DIAPH2: variants seen among roughly 807,000 people sequenced by gnomAD.
DIAPH2 encodes protein diaphanous homolog 2.
In DIAPH2, 35 loss-of-function variants were observed where a neutral mutation model predicts 92.7. The ratio of observed to expected loss-of-function variants is 0.38; its 90% CI spans 0.29 to 0.50. The LOEUF (loss-of-function observed/expected upper bound fraction) is 0.50, where lower values mean the gene tolerates loss of function less well. Ranked by LOEUF, DIAPH2 falls within the 20% of genes least tolerant of loss-of-function variation. The probability of loss-of-function intolerance (pLI) is 0.94; values close to 1 mark genes in which losing one functional copy is unlikely to be tolerated. For missense variants in DIAPH2, 701 were observed against 819.5 expected (o/e 0.86, Z 1.77); for synonymous variants, 301 against 280.4 (o/e 1.07, Z -0.73).
At chrX:97,497,711 CAGG>C (rs984347066) in intron 26 of DIAPH2, among the ~76,000 whole-genome samples, 1 of 110,254 alleles carries the variant, frequency 9.1e-6, no homozygotes, top group Non-Finnish European at 1.9e-5. Flanking sequence ...GAGGCTGCAG[CAGG>C]AGAATTGCTT....
intron 23 of DIAPH2, among the ~76,000 whole-genome samples, chrX:97,330,085 T>TTTTGTG (rs1556027878): frequency 1.1e-5 from 1 of 94,863 alleles, no homozygotes. Flanking sequence ...GATTTGGTGT[T>TTTTGTG]TGTGTGTGTG....
At chrX:96,840,013 G>A (rs2147700518) in intron 4 of DIAPH2, among the ~76,000 whole-genome samples, 1 of 111,992 alleles carries the variant, frequency 8.9e-6, no homozygotes, top group East Asian at 2.8e-4. Context: ...AGAAACAGGT[G>A]AAATTCATTT....
At chrX:97,490,144 A>G (rs1207543090) in intron 26 of DIAPH2, among the ~76,000 whole-genome samples, 1 of 111,164 alleles carries the variant, frequency 9.0e-6, no homozygotes, top group Non-Finnish European at 1.9e-5. Context: ...TACCCTTGGT[A>G]GGTTGTATAT....
chrX:96,953,482 A>G (rs1007612918), intron 15 of DIAPH2: 1 of 112,223 alleles, frequency 8.9e-6, no homozygotes, highest in African/African-American at 3.2e-5. Context: ...AAAACCTCCA[A>G]ATCAAAAGCC....
chrX:97,371,155 A>C (rs1602543041), intron 24 of DIAPH2, among the ~76,000 whole-genome samples: 1 of 111,537 alleles, frequency 9.0e-6, no homozygotes, highest in South Asian at 3.8e-4. Flanking sequence ...AGTAGAGAAC[A>C]CCCAGAAGAA....
chrX:97,181,559 G>A (rs1321327026), intron 22 of DIAPH2, among the ~76,000 whole-genome samples: 1 of 111,698 alleles, frequency 9.0e-6, no homozygotes, highest in Admixed American at 9.5e-5. Context: ...TTACAGGCAT[G>A]CGCCACCACC....
intron 17 of DIAPH2, among the ~76,000 whole-genome samples, chrX:97,021,822 A>C (rs2066300441): frequency 9.0e-6 from 1 of 111,666 alleles, no homozygotes; most frequent in South Asian, 3.8e-4. Context: ...GTTCCCATTC[A>C]GGAAACAGTG....
At chrX:96,754,774 A>C (rs2064214331) in intron 3 of DIAPH2, among the ~76,000 whole-genome samples, 1 of 108,298 alleles carries the variant, frequency 9.2e-6, no homozygotes, top group Non-Finnish European at 1.9e-5. Flanking sequence ...ATACAAAAAA[A>C]TTAGCTGGGT....
intron 26 of DIAPH2, among the ~76,000 whole-genome samples, chrX:97,571,867 C>T (rs2071372380): frequency 9.0e-6 from 1 of 111,727 alleles, no homozygotes; most frequent in Non-Finnish European, 1.9e-5. Flanking sequence ...TAGAAAGTTT[C>T]CCCTTGGACT....
intron 26 of DIAPH2, among the ~76,000 whole-genome samples, chrX:97,514,889 TG>T (rs1487281691): frequency 9.0e-6 from 1 of 111,688 alleles, no homozygotes; most frequent in African/African-American, 3.2e-5. Context: ...AGCTGCATGT[TG>T]GGAGAACCAC....
chrX:97,467,496 C>T (rs2070523724), intron 26 of DIAPH2, among the ~76,000 whole-genome samples: 1 of 111,817 alleles, frequency 8.9e-6, no homozygotes, highest in South Asian at 3.7e-4. Flanking sequence ...TTGTACAGGA[C>T]ATATTCTTTG....
intron 4 of DIAPH2, among the ~76,000 whole-genome samples, chrX:96,785,484 T>G (rs2064448443): frequency 1.1e-5 from 1 of 94,694 alleles, no homozygotes; most frequent in African/African-American, 3.8e-5. Context: ...CCTTTTTTTT[T>G]TTTTTTTTTT....
chrX:97,111,877 C>G (rs1273064144), intron 20 of DIAPH2, among the ~76,000 whole-genome samples: 1 of 112,150 alleles, frequency 8.9e-6, no homozygotes. Context: ...TCACTTTTCT[C>G]ATCTTTGGAA....
chrX:97,311,160 T>C (rs2068790708), intron 23 of DIAPH2, among the ~76,000 whole-genome samples: 1 of 111,730 alleles, frequency 9.0e-6, no homozygotes, highest in African/African-American at 3.2e-5. Context: ...CCCTGAATAA[T>C]GTGTTAAGAA....
At chrX:97,428,397 C>T (rs764986544) in intron 25 of DIAPH2, among the ~76,000 whole-genome samples, 2 of 109,897 alleles carry the variant, frequency 1.8e-5, no homozygotes, top group Non-Finnish European at 3.8e-5. Context: ...GGCGTGGTGG[C>T]GCACGCCTGT....
intron 4 of DIAPH2, among the ~76,000 whole-genome samples, chrX:96,870,060 A>T (rs1338674566): frequency 9.1e-6 from 1 of 110,424 alleles, no homozygotes; most frequent in Non-Finnish European, 1.9e-5. Flanking sequence ...TCAGAGGGCG[A>T]CTCTATAGCC....
chrX:97,114,077 A>C, intron 20 of DIAPH2, among the ~76,000 whole-genome samples: 1 of 112,354 alleles, frequency 8.9e-6, no homozygotes, highest in Non-Finnish European at 1.9e-5. Flanking sequence ...AAACCAATGT[A>C]GAATTCTTGC....
intron 23 of DIAPH2, among the ~76,000 whole-genome samples, chrX:97,306,528 A>G (rs2068748410): frequency 8.9e-6 from 1 of 111,895 alleles, no homozygotes. Context: ...GATATTTACA[A>G]ATTCTGAGCC....
chrX:97,507,832 G>T (rs1487764661), intron 26 of DIAPH2, among the ~76,000 whole-genome samples: 1 of 111,490 alleles, frequency 9.0e-6, no homozygotes. Context: ...CCCTTTGAAA[G>T]TGATGATAGA....
Sources: gnomAD v4.1 joint callset for allele counts (sites outside exome capture counted in the v4.1 genomes callset) on GRCh38, gnomAD v4.1.1 for gene constraint, MANE v1.5 for transcripts, NCBI Gene and HGNC (gene_info 2026-07-23, HGNC 2026-07-21) for gene names.